CABCOCO1: variants seen among roughly 807,000 people sequenced by gnomAD.
The protein encoded by CABCOCO1 is ciliary associated calcium binding coiled-coil 1, also known as ciliary-associated calcium-binding coiled-coil protein 1.
A neutral mutation model predicts 35.7 loss-of-function variants in CABCOCO1; 28 were observed. The observed-to-expected ratio is 0.78, with a 90% CI of 0.58 to 1.07. The LOEUF is 1.07. Ranked by LOEUF, CABCOCO1 falls within the 50% of genes least tolerant of loss-of-function variation. CABCOCO1 has a pLI of 0.00. For synonymous variants in CABCOCO1, 95 were observed against 100.1 expected (o/e 0.95, Z 0.30); for missense variants, 326 against 309.2 (o/e 1.05, Z -0.41).
intron 2 of CABCOCO1, among the ~76,000 whole-genome samples, chr10:61,677,811 G>GTTTTTTTTT (rs35492889): frequency 1.9e-3 from 116 of 60,292 alleles, no homozygotes; most frequent in Non-Finnish European, 2.2e-3. Flanking sequence ...TTTTTTGGGT[G>GTTTTTTTTT]TTTTTTTTTT....
At chr10:61,734,632 G>A in intron 5 of CABCOCO1, among the ~76,000 whole-genome samples, 1 of 152,168 alleles carries the variant, frequency 6.6e-6, no homozygotes, top group South Asian at 2.1e-4. Context: ...TTTTAAATCT[G>A]TCTCCTGAAA....
chr10:61,739,393 A>G (rs1313723877), intron 5 of CABCOCO1, among the ~76,000 whole-genome samples: 1 of 152,192 alleles, frequency 6.6e-6, no homozygotes, highest in Admixed American at 6.5e-5. Context: ...AATTCTTCAG[A>G]AATTTGAGTT....
intron 3 of CABCOCO1, among the ~76,000 whole-genome samples, chr10:61,682,889 C>CTATTTTT (rs1554821783): frequency 7.8e-6 from 1 of 128,182 alleles, no homozygotes; most frequent in African/African-American, 2.8e-5. Flanking sequence ...ACATGAATTT[C>CTATTTTT]TTTTTTTTTT....
intron 5 of CABCOCO1, among the ~76,000 whole-genome samples, chr10:61,693,850 A>G (rs1840221168): frequency 6.6e-6 from 1 of 150,512 alleles, no homozygotes; most frequent in Non-Finnish European, 1.5e-5. Context: ...GGAATATTCA[A>G]GAAATAAATT....
chr10:61,687,893 A>G (rs1482660243), intron 4 of CABCOCO1, among the ~76,000 whole-genome samples: 1 of 152,214 alleles, frequency 6.6e-6, no homozygotes, highest in Non-Finnish European at 1.5e-5. Context: ...TTACAGAACT[A>G]TAAAATATCA....
intron 1 of CABCOCO1, among the ~76,000 whole-genome samples, chr10:61,666,290 C>T (rs991757500): frequency 6.6e-6 from 1 of 152,210 alleles, no homozygotes; most frequent in African/African-American, 2.4e-5. Flanking sequence ...ACATCAGTGT[C>T]ATTCAAGAAG....
chr10:61,751,213 CTTTTTTTTT>C (rs57540074), intron 5 of CABCOCO1, among the ~76,000 whole-genome samples: 1 of 106,506 alleles, frequency 9.4e-6, no homozygotes, highest in African/African-American at 3.7e-5. Flanking sequence ...TTGCCTTGCT[CTTTTTTTTT>C]TTTTTTTTTT....
intron 5 of CABCOCO1, among the ~76,000 whole-genome samples, chr10:61,707,953 A>G (rs1472795604): frequency 6.6e-6 from 1 of 152,040 alleles, no homozygotes; most frequent in East Asian, 1.9e-4. Flanking sequence ...ATGAAGTTCG[A>G]TTCTTCATCT....
chr10:61,742,483 G>C (rs1469646574), intron 5 of CABCOCO1, among the ~76,000 whole-genome samples: 1 of 152,132 alleles, frequency 6.6e-6, no homozygotes, highest in African/African-American at 2.4e-5. Context: ...AAAAAGGCAA[G>C]TGGATAAGAG....
At chr10:61,697,510 G>C (rs1840327789) in intron 5 of CABCOCO1, among the ~76,000 whole-genome samples, 1 of 152,126 alleles carries the variant, frequency 6.6e-6, no homozygotes. Context: ...ACATGTATAT[G>C]CATGTAAGTG....
intron 5 of CABCOCO1, among the ~76,000 whole-genome samples, chr10:61,749,143 G>C (rs375904774): frequency 6.6e-5 from 10 of 152,222 alleles, no homozygotes; most frequent in African/African-American, 1.9e-4. Context: ...TTCCCCATTT[G>C]TGATTTAAAT....
intron 3 of CABCOCO1, among the ~76,000 whole-genome samples, chr10:61,681,965 C>T (rs527589992): frequency 3.3e-5 from 5 of 152,106 alleles, no homozygotes; most frequent in Admixed American, 2.0e-4. Context: ...TTTCTTCGTA[C>T]GTATTTTTGA....
intron 5 of CABCOCO1, among the ~76,000 whole-genome samples, chr10:61,757,504 C>T (rs925188586): frequency 4.0e-5 from 6 of 151,856 alleles, no homozygotes; most frequent in African/African-American, 1.5e-4. Context: ...AAATTCTCAC[C>T]CCCCAGTTTT....
At chr10:61,686,282 A>T in intron 4 of CABCOCO1, 97 bp downstream of exon 4, 1 of 1,058,446 alleles carries the variant, frequency 9.4e-7, no homozygotes, top group South Asian at 1.9e-5. Flanking sequence ...AGATTCAGAT[A>T]TTTACAGAAT....
chr10:61,675,756 AAAG>A (rs1275365250), intron 2 of CABCOCO1, among the ~76,000 whole-genome samples: 2 of 152,118 alleles, frequency 1.3e-5, no homozygotes, highest in Non-Finnish European at 2.9e-5. Context: ...TAAAATATAT[AAAG>A]AAGAAGCTTT....
At chr10:61,723,549 A>G (rs982551224) in intron 5 of CABCOCO1, among the ~76,000 whole-genome samples, 5 of 152,296 alleles carry the variant, frequency 3.3e-5, no homozygotes, top group Non-Finnish European at 5.9e-5. Flanking sequence ...TGATGGAAAC[A>G]ATAGAAATTT....
At chr10:61,758,940 T>C (rs534667559) in intron 5 of CABCOCO1, among the ~76,000 whole-genome samples, 3 of 152,230 alleles carry the variant, frequency 2.0e-5, no homozygotes, top group Middle Eastern at 3.4e-3. Context: ...ATTTAAATGA[T>C]GACATGTAAC....
chr10:61,745,654 A>G (rs989990086), intron 5 of CABCOCO1, among the ~76,000 whole-genome samples: 6 of 152,214 alleles, frequency 3.9e-5, no homozygotes, highest in African/African-American at 1.4e-4. Flanking sequence ...GAACGCACAC[A>G]GATCAGTTGA....
At chr10:61,689,239 AT>A (rs1393199865) in intron 4 of CABCOCO1, among the ~76,000 whole-genome samples, 1 of 152,124 alleles carries the variant, frequency 6.6e-6, no homozygotes. Flanking sequence ...AATATTTTTT[AT>A]CTTAAGGCTT....
Sources: allele counts gnomAD v4.1 joint callset (sites outside exome capture counted in the v4.1 genomes callset), GRCh38; gene constraint gnomAD v4.1.1; transcripts MANE v1.5; gene names NCBI Gene and HGNC (gene_info 2026-07-23, HGNC 2026-07-21).